TAFA1: variants seen among roughly 807,000 people sequenced by gnomAD.
TAFA1 encodes the protein TAFA chemokine like family member 1, also known as chemokine-like protein TAFA-1.
Under a neutral mutation model 18.5 loss-of-function variants are expected in TAFA1, and 4 were observed. The ratio of observed to expected loss-of-function variants is 0.22; its 90% CI spans 0.11 to 0.49. The LOEUF (loss-of-function observed/expected upper bound fraction) is 0.49, where lower values mean the gene tolerates loss of function less well. Among genes scored for constraint, TAFA1 ranks in the 20% least tolerant of loss-of-function variants. The pLI is 0.98. For synonymous variants in TAFA1, 56 were observed against 55.2 expected (o/e 1.01, Z -0.06); for missense variants, 147 against 169.0 (o/e 0.87, Z 0.72).
At chr3:68,219,842 T>G (rs575990661) in intron 2 of TAFA1, among the ~76,000 whole-genome samples, 15 of 152,282 alleles carry the variant, frequency 9.9e-5, no homozygotes, top group Admixed American at 3.3e-4. Context: ...GGGAGCATCT[T>G]AAATTCTGCC....
chr3:68,061,928 C>A (rs1409992104), intron 2 of TAFA1, among the ~76,000 whole-genome samples: 1 of 151,944 alleles, frequency 6.6e-6, no homozygotes, highest in Non-Finnish European at 1.5e-5. Context: ...AGAAATTTTT[C>A]TTTTTATTGG....
intron 2 of TAFA1, among the ~76,000 whole-genome samples, chr3:68,269,780 G>T (rs531534717): frequency 3.3e-5 from 5 of 152,264 alleles, no homozygotes; most frequent in African/African-American, 1.2e-4. Flanking sequence ...TTAAAAACAG[G>T]TAACATTTTT....
intron 3 of TAFA1, among the ~76,000 whole-genome samples, chr3:68,442,508 T>A (rs938185035): frequency 6.6e-6 from 1 of 152,046 alleles, no homozygotes; most frequent in Non-Finnish European, 1.5e-5. Context: ...TTAGCATGAG[T>A]TTTGGAGGAG....
chr3:68,082,887 G>T (rs549069132), intron 2 of TAFA1, among the ~76,000 whole-genome samples: 1 of 152,292 alleles, frequency 6.6e-6, no homozygotes, highest in Non-Finnish European at 1.5e-5. Flanking sequence ...TACTAATTAT[G>T]CTATTTGACA....
In TAFA1 at chr3:68,210,151, A is replaced by G. The variant is rs189295668; in HGVS notation, c.118+203407A>G. The stretch of plus-strand genomic sequence containing the variant: ...GTTTTTCTATTGTTTAACACCTTCC[A>G]TTTGTTTTACCTTAGAAGCGTGATT... On this transcript the variant is annotated intron_variant, in intron 2 of 4. Transcript: ENST00000478136. 3.2e-3 allele frequency among the ~76,000 whole-genome samples: 481 copies of G among 152,144 alleles called. 4 individuals are homozygous for G. Among genetic ancestry groups the G allele is most frequent in the African/African-American group, 0.011 (455 of 41,550 alleles).
At chr3:68,079,619 G>A (rs1246122126) in intron 2 of TAFA1, among the ~76,000 whole-genome samples, 4 of 152,130 alleles carry the variant, frequency 2.6e-5, no homozygotes, top group Middle Eastern at 3.4e-3. Context: ...GTAGTTGAGC[G>A]GTTTTGAGTG....
At chr3:68,081,940 G>A (rs984861180) in intron 2 of TAFA1, among the ~76,000 whole-genome samples, 2 of 152,214 alleles carry the variant, frequency 1.3e-5, no homozygotes, top group African/African-American at 4.8e-5. Flanking sequence ...TTTGATCTCA[G>A]ACTGCTGTGC....
At chr3:68,400,179 T>C (rs1276244056) in intron 2 of TAFA1, among the ~76,000 whole-genome samples, 1 of 151,940 alleles carries the variant, frequency 6.6e-6, no homozygotes, top group East Asian at 1.9e-4. Flanking sequence ...CGACTGAAAA[T>C]GGGGTAGGGG....
At chr3:68,514,206 C>A (rs1195678663) in intron 3 of TAFA1, among the ~76,000 whole-genome samples, 2 of 152,116 alleles carry the variant, frequency 1.3e-5, no homozygotes, top group African/African-American at 4.8e-5. Flanking sequence ...TCTGGGGGAA[C>A]ATAAACATCA....
chr3:68,287,812 A>G (rs965852433), intron 2 of TAFA1, among the ~76,000 whole-genome samples: 1 of 147,462 alleles, frequency 6.8e-6, no homozygotes, highest in East Asian at 2.1e-4. Context: ...GTGAAATCTA[A>G]TTATACCTCC....
intron 2 of TAFA1, among the ~76,000 whole-genome samples, chr3:68,307,624 A>G (rs1470273789): frequency 2.6e-5 from 4 of 152,184 alleles, no homozygotes; most frequent in Admixed American, 6.5e-5. Flanking sequence ...AACAATATTT[A>G]TATTTTATCT....
chr3:68,003,030 TGAG>T (rs1704301581), upstream of TAFA1, among the ~76,000 whole-genome samples: 1 of 152,240 alleles, frequency 6.6e-6, no homozygotes, highest in African/African-American at 2.4e-5. Context: ...ACAATAATAA[TGAG>T]GCACAGATGT....
At chr3:68,054,611 G>A (rs1174352054) in intron 2 of TAFA1, among the ~76,000 whole-genome samples, 3 of 152,216 alleles carry the variant, frequency 2.0e-5, no homozygotes, top group African/African-American at 4.8e-5. Flanking sequence ...TTGAGACACA[G>A]GTACACTCAT....
At chr3:68,350,999 G>C (rs1344722726) in intron 2 of TAFA1, among the ~76,000 whole-genome samples, 1 of 152,100 alleles carries the variant, frequency 6.6e-6, no homozygotes, top group Admixed American at 6.6e-5. Flanking sequence ...CCTCCTAACA[G>C]GTGGCTTACC....
At chr3:68,086,530 TC>T (rs1055130961) in intron 2 of TAFA1, among the ~76,000 whole-genome samples, 1 of 152,236 alleles carries the variant, frequency 6.6e-6, no homozygotes, top group Non-Finnish European at 1.5e-5. Context: ...CTTATAAACT[TC>T]TTATAGAACT....
At chr3:68,216,628 T>C (rs1053041447) in intron 2 of TAFA1, among the ~76,000 whole-genome samples, 1 of 152,094 alleles carries the variant, frequency 6.6e-6, no homozygotes, top group Non-Finnish European at 1.5e-5. Context: ...TAGTTTCCAA[T>C]AGTATGACTC....
At chr3:68,454,274 C>T (rs2071618429) in intron 3 of TAFA1, among the ~76,000 whole-genome samples, 1 of 152,094 alleles carries the variant, frequency 6.6e-6, no homozygotes, top group African/African-American at 2.4e-5. Context: ...TTCCTTTCAC[C>T]CCATCTATTC....
intron 2 of TAFA1, among the ~76,000 whole-genome samples, chr3:68,304,778 G>T (rs2068374044): frequency 6.6e-6 from 1 of 152,248 alleles, no homozygotes; most frequent in Non-Finnish European, 1.5e-5. Context: ...TGGTCAGTTG[G>T]TAAGAGGAAG....
intron 2 of TAFA1, among the ~76,000 whole-genome samples, chr3:68,025,449 T>C (rs909309420): frequency 1.3e-5 from 2 of 152,160 alleles, no homozygotes; most frequent in African/African-American, 4.8e-5. Context: ...AGCAGGCAGA[T>C]GGTGAGGTTA....
Sources: gnomAD v4.1 joint callset for allele counts (sites outside exome capture counted in the v4.1 genomes callset) on GRCh38, gnomAD v4.1.1 for gene constraint, MANE v1.5 for transcripts, NCBI Gene and HGNC (gene_info 2026-07-23, HGNC 2026-07-21) for gene names.